The following SLC27A6 variants were observed in gnomAD, a reference collection of about 807,000 sequenced individuals.
SLC27A6 encodes the protein long-chain fatty acid transport protein 6.
A neutral mutation model predicts 63.9 loss-of-function variants in SLC27A6; 74 were observed. That is an observed-to-expected ratio of 1.16 (90% CI 0.96 to 1.40). The LOEUF (loss-of-function observed/expected upper bound fraction) is 1.40, where lower values mean the gene tolerates loss of function less well. Among genes scored for constraint, SLC27A6 ranks in the 40% most tolerant of loss-of-function variants. The pLI, the probability that SLC27A6 is intolerant of heterozygous loss-of-function variation, is 0.00. For missense variants in SLC27A6, 794 were observed against 732.9 expected, an observed-to-expected ratio of 1.08 and a Z score of -0.96; for synonymous variants, 287 against 260.8, an observed-to-expected ratio of 1.10 and a Z score of -0.97.
At position 129,025,661 on chromosome 5, in the gene SLC27A6, T is replaced by TA. The variant is rs564785551; in HGVS notation, c.1256-1470dup. 9.9e-5 allele frequency among the ~76,000 whole-genome samples: 15 copies of TA among 152,198 alleles called. No individual in the cohort carries two copies. The East Asian group carries it at 2.9e-3, about 29-fold the overall frequency. On this transcript the variant is annotated intron_variant, in intron 6 of 9. Transcript: ENST00000262462. ...TGCTCAATAGGTATAATTGTGATGA[T>TA]AATGATGGTGATGATGATGATATGA...
chr5:128,970,039 T>C (rs1027879069), intron 1 of SLC27A6, among the ~76,000 whole-genome samples: 2 of 151,904 alleles, frequency 1.3e-5, no homozygotes, highest in African/African-American at 2.4e-5. Context: ...TTTTTGTCTT[T>C]GGTTCTGTTT....
At chr5:129,028,654 G>A (rs546248804) in intron 8 of SLC27A6, among the ~76,000 whole-genome samples, 6 of 141,702 alleles carry the variant, frequency 4.2e-5, no homozygotes, top group South Asian at 4.4e-4. Context: ...TAATGCCTGC[G>A]TGTATTTTTT....
chr5:128,982,675 GA>G (rs1030455163), intron 1 of SLC27A6, among the ~76,000 whole-genome samples: 3 of 152,138 alleles, frequency 2.0e-5, no homozygotes, highest in African/African-American at 4.8e-5. Context: ...AGAAAGTCTA[GA>G]TCCTTTGCTT....
Position 129,033,126 on chromosome 5 carries a change from A to G in SLC27A6, c.1704A>G (p.Gly568=), listed in dbSNP as rs769592782. ...LRIQEKMEAT[G]TFKLLKHQLV... is the part of the protein sequence containing the mutation. ...TACAGGAAAAAATGGAAGCAACAGG[A>G]ACATTCAAACTATTGAAGCATCAGT... Residue 568 remains glycine (G), a synonymous_variant, in exon 10 of 10, where the codon GGA becomes GGG. Coordinates refer to ENST00000262462, the MANE Select transcript of SLC27A6 (RefSeq NM_001017372.3). 6.2e-7 allele frequency: 1 copy of G among 1,607,334 alleles called. No individual in the cohort carries two copies. Among genetic ancestry groups the G allele is most frequent in the Non-Finnish European group, 8.5e-7 (1 of 1,176,542 alleles).
intron 6 of SLC27A6, among the ~76,000 whole-genome samples, chr5:129,025,418 G>C (rs1470493694): frequency 3.3e-5 from 5 of 151,992 alleles, no homozygotes; most frequent in Non-Finnish European, 7.4e-5. Flanking sequence ...TATCACAGAG[G>C]TAAGGCTTTG....
At chr5:129,020,526 C>T (rs1752041931) in intron 5 of SLC27A6, among the ~76,000 whole-genome samples, 2 of 152,046 alleles carry the variant, frequency 1.3e-5, no homozygotes, top group Admixed American at 6.6e-5. Context: ...GGTTATTCTC[C>T]TACCTGTCAT....
At chr5:128,994,351 A>G (rs557553941) in intron 4 of SLC27A6, among the ~76,000 whole-genome samples, 44 of 152,294 alleles carry the variant, frequency 2.9e-4, no homozygotes, top group African/African-American at 1.1e-3. Flanking sequence ...GAAGCATTGT[A>G]CTACCTAATA....
chr5:128,980,869 G>GT (rs1317712310), intron 1 of SLC27A6, among the ~76,000 whole-genome samples: 1 of 152,130 alleles, frequency 6.6e-6, no homozygotes, highest in African/African-American at 2.4e-5. Flanking sequence ...GAATAATGTA[G>GT]TTTTTAGTGC....
In SLC27A6 at chr5:129,027,161, G is replaced by A. The variant is rs1561633895; in HGVS notation, c.1284G>A (p.Val428=). 8 of 1,613,236 alleles carry A rather than the reference G, an allele frequency of 5.0e-6. No individual in the cohort carries two copies. The highest frequency in any genetic ancestry group is 1.6e-4 in the Middle Eastern group (1 of 6,072). Residue 428 remains valine, a synonymous_variant, in exon 7 of 10, where the codon GTG becomes GTA. Transcript: ENST00000262462. ...KGEPGLLISR[V]NAKNPFFGYA... Reference sequence around the variant, plus strand: ...AACCTGGACTTCTCATTTCTCGAGTGAATGCAAAAAATCCCTTCTTTGGCT... The same window carrying A: ...AACCTGGACTTCTCATTTCTCGAGTAAATGCAAAAAATCCCTTCTTTGGCT...
intron 1 of SLC27A6, among the ~76,000 whole-genome samples, chr5:128,969,524 G>A (rs1750053458): frequency 6.6e-6 from 1 of 152,076 alleles, no homozygotes; most frequent in African/African-American, 2.4e-5. Context: ...TCTCTTTGTA[G>A]CAATTGTGAA....
chr5:128,981,199 G>T (rs1276821550), intron 1 of SLC27A6, among the ~76,000 whole-genome samples: 3 of 152,178 alleles, frequency 2.0e-5, no homozygotes, highest in Non-Finnish European at 4.4e-5. Context: ...CAGCTGTCTG[G>T]CTGGGCGTGG....
At chr5:128,978,367 TAATA>T (rs1216747350) in intron 1 of SLC27A6, among the ~76,000 whole-genome samples, 7 of 152,216 alleles carry the variant, frequency 4.6e-5, no homozygotes, top group African/African-American at 9.6e-5. Context: ...AAAAGTTACT[TAATA>T]GTTTACCATT....
chr5:128,985,020 A>C (rs1750738595), intron 1 of SLC27A6, 113 bp from the exon 2 acceptor site: 7 of 706,170 alleles, frequency 9.9e-6, no homozygotes, highest in South Asian at 5.7e-5. Context: ...CATAAGAAGG[A>C]AATCAGCATT....
At chr5:129,002,005 G>A (rs1202576302) in intron 4 of SLC27A6, among the ~76,000 whole-genome samples, 1 of 152,166 alleles carries the variant, frequency 6.6e-6, no homozygotes, top group African/African-American at 2.4e-5. Flanking sequence ...ACCTTTTGAA[G>A]AAACCAGAGT....
chr5:129,022,645 A>G (rs963618199), intron 5 of SLC27A6, among the ~76,000 whole-genome samples: 7 of 152,060 alleles, frequency 4.6e-5, no homozygotes, highest in Non-Finnish European at 1.0e-4. Flanking sequence ...GCTGAGTAGA[A>G]CCTCAATTTT....
chr5:128,982,800 C>G lies in SLC27A6; in HGVS notation c.482-2333C>G, dbSNP rs560867935. 1.3e-3 allele frequency among the ~76,000 whole-genome samples: 195 copies of G among 152,268 alleles called. 1 individual carries two copies. The highest frequency in any genetic ancestry group is 2.1e-3 in the Non-Finnish European group (146 of 68,028). ...CATGATGTGTGTGTGTTAAGTAGAG[C>G]TAGGCATTTTCCCTGGATTCTTATA... is the stretch of plus-strand genomic sequence containing the variant. On this transcript the variant is annotated intron_variant, in intron 1 of 9. Coordinates refer to ENST00000262462, the MANE Select transcript of SLC27A6 (RefSeq NM_001017372.3).
At chr5:129,023,075 C>A (rs1561632196) in intron 5 of SLC27A6, among the ~76,000 whole-genome samples, 4 of 151,848 alleles carry the variant, frequency 2.6e-5, no homozygotes, top group African/African-American at 7.3e-5. Flanking sequence ...AGGAGCGTTA[C>A]AGTGAAAGGC....
At chr5:129,007,071 G>T (rs528204295) in intron 4 of SLC27A6, among the ~76,000 whole-genome samples, 1 of 151,976 alleles carries the variant, frequency 6.6e-6, no homozygotes, top group South Asian at 2.1e-4. Flanking sequence ...AGATTTTTTT[G>T]CTTATAGGAT....
At chr5:128,996,329 T>C in intron 4 of SLC27A6, among the ~76,000 whole-genome samples, 1 of 152,180 alleles carries the variant, frequency 6.6e-6, no homozygotes, top group South Asian at 2.1e-4. Context: ...CCTTTCCTTA[T>C]TTTGTTTTCT....
Sources: allele counts gnomAD v4.1 joint callset (sites outside exome capture counted in the v4.1 genomes callset), GRCh38; gene constraint gnomAD v4.1.1; transcripts MANE v1.5; gene names NCBI Gene and HGNC (gene_info 2026-07-23, HGNC 2026-07-21).